ERAP1: variants seen among roughly 807,000 people sequenced by gnomAD.
The protein encoded by ERAP1 is adipocyte-derived leucine aminopeptidase.
ERAP1 carries 86 observed loss-of-function variants against 103.7 expected under a neutral mutation model. The observed-to-expected ratio is 0.83, with a 90% CI of 0.70 to 0.99. The LOEUF (loss-of-function observed/expected upper bound fraction) is 0.99, where lower values mean the gene tolerates loss of function less well. Among genes scored for constraint, ERAP1 ranks in the 50% least tolerant of loss-of-function variants. ERAP1 has a pLI of 0.00. For synonymous variants in ERAP1, 398 were observed against 402.4 expected, an observed-to-expected ratio of 0.99 and a Z score of 0.13; for missense variants, 1,009 against 1,128.4, an observed-to-expected ratio of 0.89 and a Z score of 1.52.
chr5:96,889,145 A>C, the ERAP1 span: 1 of 1,610,284 alleles, frequency 6.2e-7, no homozygotes, highest in Non-Finnish European at 8.5e-7. Context: ...TATGCCAGGG[A>C]GCTGTCATTC....
At chr5:96,838,112 G>A in the ERAP1 span, among the ~76,000 whole-genome samples, 1 of 152,150 alleles carries the variant, frequency 6.6e-6, no homozygotes, top group East Asian at 1.9e-4. Flanking sequence ...CGGGAAAACG[G>A]GAATGCATGT....
At chr5:96,803,967 C>A in intron 1 of ERAP1, 24 bp from the exon 2 acceptor site, 2 of 1,598,482 alleles carry the variant, frequency 1.3e-6, no homozygotes, top group Non-Finnish European at 1.7e-6. Flanking sequence ...TGTACAAAAG[C>A]AAAAATATAT....
chr5:96,902,781 T>C, the ERAP1 span: 1 of 157,530 alleles, frequency 6.3e-6, no homozygotes. Flanking sequence ...TGAGCTTCAA[T>C]TTTTTCATCT....
rs200582863 is a variant in ERAP1, at chr5:96,803,948, C to T, written c.-17-5G>A. On this transcript the variant is annotated splice_region_variant and splice_polypyrimidine_tract_variant and intron_variant, in intron 1 of 18. Coordinates refer to ENST00000443439, the MANE Select transcript of ERAP1 (RefSeq NM_001040458.3). ...CCATCTTCTTGCTCTACCTACCTAG[C>T]GGCACAAATGTACAAAAGCAAAAAT... The T allele has an allele frequency of 5.0e-6, 8 of 1,602,116 alleles. No individual in the cohort carries two copies. Among genetic ancestry groups the T allele is most frequent in the African/African-American group, 2.7e-5 (2 of 74,990 alleles).
At chr5:96,919,286 T>C in the ERAP1 span, 5 of 152,484 alleles carry the variant, frequency 3.3e-5, no homozygotes, top group East Asian at 9.4e-4. Context: ...TGGTTAAATT[T>C]GTTTTCAGAT....
At chr5:96,849,253 C>G in the ERAP1 span, among the ~76,000 whole-genome samples, 1 of 152,026 alleles carries the variant, frequency 6.6e-6, no homozygotes, top group Admixed American at 6.6e-5. Flanking sequence ...TAACATAGTA[C>G]TGGAAGTCCT....
the ERAP1 span, among the ~76,000 whole-genome samples, chr5:96,884,146 C>CT: frequency 1.3e-5 from 2 of 151,336 alleles, no homozygotes; most frequent in African/African-American, 2.4e-5. Flanking sequence ...ACACAGGAAG[C>CT]TTTTTTTTTC....
chr5:96,811,900 C>T (rs1343758259), upstream of ERAP1, among the ~76,000 whole-genome samples: 1 of 152,186 alleles, frequency 6.6e-6, no homozygotes, highest in African/African-American at 2.4e-5. Flanking sequence ...CTTACAGAAC[C>T]CAGGGAATCC....
the ERAP1 span, among the ~76,000 whole-genome samples, chr5:96,893,292 TATC>T: frequency 6.6e-6 from 1 of 152,174 alleles, no homozygotes; most frequent in African/African-American, 2.4e-5. Flanking sequence ...AGTGGGCAAA[TATC>T]ATTCTGTTGT....
chr5:96,762,161 G>T, exon 20 of ERAP1: 1 of 532,436 alleles, frequency 1.9e-6, no homozygotes, highest in South Asian at 3.7e-5. Context: ...AGTCTATTTG[G>T]TCAAGAGAAT....
downstream of ERAP1, chr5:96,771,806 A>G: frequency 1.5e-6 from 1 of 677,090 alleles, no homozygotes. Context: ...ATTCATGCTC[A>G]CTTTACAGTA....
At chr5:96,862,892 C>T in the ERAP1 span, among the ~76,000 whole-genome samples, 1 of 152,134 alleles carries the variant, frequency 6.6e-6, no homozygotes, top group African/African-American at 2.4e-5. Flanking sequence ...TTCCTGTCCC[C>T]CTGCCATTTT....
intron 3 of ERAP1, among the ~76,000 whole-genome samples, chr5:96,797,724 C>T (rs26489): frequency 0.72 from 109,003 of 152,074 alleles, 39,613 homozygotes; most frequent in Non-Finnish European, 0.79. Context: ...ATAATTTAGA[C>T]ATTAACGTCA....
the ERAP1 span, among the ~76,000 whole-genome samples, chr5:96,830,993 A>G: frequency 1.3e-5 from 2 of 152,230 alleles, no homozygotes; most frequent in Non-Finnish European, 2.9e-5. Flanking sequence ...GGTGGATTTC[A>G]TATCCTGGCT....
chr5:96,850,345 A>G, the ERAP1 span, among the ~76,000 whole-genome samples: 1 of 152,208 alleles, frequency 6.6e-6, no homozygotes, highest in African/African-American at 2.4e-5. Flanking sequence ...TACATCAGAT[A>G]AAGGGCTGAT....
At chr5:96,783,380 A>G (rs1311192433) in intron 14 of ERAP1, 145 bp from the exon 15 acceptor site, 3 of 653,658 alleles carry the variant, frequency 4.6e-6, no homozygotes, top group Non-Finnish European at 7.3e-6. Flanking sequence ...GCACTGTTTA[A>G]TTATAAAAGG....
At chr5:96,893,173 A>G in the ERAP1 span, among the ~76,000 whole-genome samples, 1 of 152,154 alleles carries the variant, frequency 6.6e-6, no homozygotes, top group Non-Finnish European at 1.5e-5. Context: ...ACAAATGTGG[A>G]ATTGTAAAAC....
intron 12 of ERAP1, 48 bp from the exon 13 acceptor site, chr5:96,786,019 A>G: frequency 6.3e-7 from 1 of 1,576,886 alleles, no homozygotes; most frequent in Non-Finnish European, 8.7e-7. Flanking sequence ...CCCTGCCTGA[A>G]GAAAGCTTTT....
At chr5:96,876,028 C>A in the ERAP1 span, 1 of 152,370 alleles carries the variant, frequency 6.6e-6, no homozygotes, top group Non-Finnish European at 1.5e-5. Flanking sequence ...TGGTTACAGA[C>A]ATGGAAAATC....
Sources: allele counts gnomAD v4.1 joint callset (sites outside exome capture counted in the v4.1 genomes callset), GRCh38; gene constraint gnomAD v4.1.1; transcripts MANE v1.5; gene names NCBI Gene and HGNC (gene_info 2026-07-23, HGNC 2026-07-21).